DDX4: variants seen among roughly 807,000 people sequenced by gnomAD.
The protein encoded by DDX4 is probable ATP-dependent RNA helicase DDX4.
Under a neutral mutation model 100.0 loss-of-function variants are expected in DDX4, and 25 were observed. The ratio of observed to expected loss-of-function variants is 0.25; its 90% CI spans 0.18 to 0.35. The LOEUF (loss-of-function observed/expected upper bound fraction) is 0.35. DDX4 is among the 10% of genes least tolerant of loss of function. The probability of loss-of-function intolerance (pLI) is 1.00; values close to 1 mark genes in which losing one functional copy is unlikely to be tolerated. For missense variants in DDX4, 635 were observed against 882.4 expected (o/e 0.72, Z 3.55); for synonymous variants, 259 against 275.7 (o/e 0.94, Z 0.60).
At chr5:55,809,266 G>T (rs1357354745) in intron 18 of DDX4, among the ~76,000 whole-genome samples, 1 of 152,180 alleles carries the variant, frequency 6.6e-6, no homozygotes, top group African/African-American at 2.4e-5. Context: ...GCGCTTCCCA[G>T]GTGAGGCGAT....
intron 16 of DDX4, among the ~76,000 whole-genome samples, chr5:55,791,868 T>C (rs546898966): frequency 6.6e-6 from 1 of 152,130 alleles, no homozygotes; most frequent in South Asian, 2.1e-4. Context: ...TCCCAGCACT[T>C]TGGGAAGCCG....
At chr5:55,749,039 A>G (rs750605814) in intron 3 of DDX4, among the ~76,000 whole-genome samples, 6 of 152,170 alleles carry the variant, frequency 3.9e-5, no homozygotes, top group Non-Finnish European at 8.8e-5. Flanking sequence ...GCTTTTATTT[A>G]ATAGTCATGG....
At chr5:55,763,967 T>G in intron 5 of DDX4, 47 bp from the exon 6 acceptor site, 1 of 1,374,050 alleles carries the variant, frequency 7.3e-7, no homozygotes, top group Non-Finnish European at 1.0e-6. Context: ...GGTTATCATT[T>G]TTACCACAGA....
chr5:55,780,288 G>C (rs904824903), intron 8 of DDX4, among the ~76,000 whole-genome samples: 1 of 152,104 alleles, frequency 6.6e-6, no homozygotes. Flanking sequence ...ATAAGTTTGA[G>C]TGACTCAGTA....
chr5:55,741,986 G>C, intron 2 of DDX4: 1 of 317,494 alleles, frequency 3.1e-6, no homozygotes, highest in Non-Finnish European at 6.4e-6. Flanking sequence ...CTTCTCAGGA[G>C]CTTTATTTGG....
Position 55,767,798 on chromosome 5 carries a change from T to A in DDX4, c.335-83T>A, listed in dbSNP as rs548510543. On this transcript the variant is annotated intron_variant, in intron 6 of 21. Transcript: ENST00000505374. ...GAAAATATTTTGTCTTCTTACTAAT[T>A]TATCTTGTGACAGTGCTATTCTTTA... The A allele has an allele frequency of 2.1e-4, 196 of 953,408 alleles. 2 individuals are homozygous for A. The South Asian group carries it at 2.4e-3, about 12-fold the overall frequency. 59.1% of individuals were successfully genotyped at this position (953,408 alleles called of 1,614,324 possible).
chr5:55,804,111 A>G (rs2112137361), intron 18 of DDX4, among the ~76,000 whole-genome samples: 1 of 152,068 alleles, frequency 6.6e-6, no homozygotes, highest in South Asian at 2.1e-4. Context: ...TTGGCTGCAT[A>G]AATGTCTTCT....
intron 7 of DDX4, among the ~76,000 whole-genome samples, chr5:55,770,747 A>G (rs745655472): frequency 1.3e-4 from 20 of 152,130 alleles, no homozygotes; most frequent in Non-Finnish European, 2.6e-4. Context: ...TTCTTATGAT[A>G]ATTGTGGAGA....
At chr5:55,765,519 A>G (rs1177009750) in intron 6 of DDX4, among the ~76,000 whole-genome samples, 1 of 150,134 alleles carries the variant, frequency 6.7e-6, no homozygotes. Context: ...CTGGACACAA[A>G]TGGATAGTAT....
intron 16 of DDX4, among the ~76,000 whole-genome samples, chr5:55,791,475 C>T (rs1742553253): frequency 6.6e-6 from 1 of 152,106 alleles, no homozygotes; most frequent in African/African-American, 2.4e-5. Context: ...CAAGTGTGTT[C>T]TTCTGTTTAT....
chr5:55,791,224 T>C (rs1253002895), intron 16 of DDX4, among the ~76,000 whole-genome samples: 2 of 152,204 alleles, frequency 1.3e-5, no homozygotes, highest in Non-Finnish European at 2.9e-5. Context: ...GGAATTCATA[T>C]ACTATATTTT....
intron 6 of DDX4, 50 bp downstream of exon 6, chr5:55,764,114 TA>T: frequency 7.5e-7 from 1 of 1,324,758 alleles, no homozygotes. Flanking sequence ...GAGTACATGC[TA>T]AAAAAGAGAA....
chr5:55,803,323 C>G (rs1176110684), intron 18 of DDX4, among the ~76,000 whole-genome samples: 1 of 150,100 alleles, frequency 6.7e-6, no homozygotes, highest in Non-Finnish European at 1.5e-5. Context: ...GTATATGTGC[C>G]ACATTTTTAT....
chr5:55,800,217 G>A (rs574237943), intron 18 of DDX4, among the ~76,000 whole-genome samples: 21 of 152,166 alleles, frequency 1.4e-4, no homozygotes, highest in Admixed American at 1.2e-3. Context: ...CAAATATAGA[G>A]AGGTCAAATA....
chr5:55,805,653 C>T (rs1278479428), intron 18 of DDX4, among the ~76,000 whole-genome samples: 2 of 152,178 alleles, frequency 1.3e-5, no homozygotes, highest in Non-Finnish European at 2.9e-5. Flanking sequence ...TTGAACCAGC[C>T]TTGCATCCCA....
chr5:55,757,216 A>G (rs1759995938), intron 3 of DDX4, among the ~76,000 whole-genome samples: 1 of 152,168 alleles, frequency 6.6e-6, no homozygotes, highest in South Asian at 2.1e-4. Flanking sequence ...CCATTACCTG[A>G]GCAGTATGCA....
chr5:55,788,105 C>A, intron 15 of DDX4, 105 bp downstream of exon 15: 2 of 955,256 alleles, frequency 2.1e-6, no homozygotes, highest in Non-Finnish European at 3.0e-6. Flanking sequence ...TAATTTTTAG[C>A]ATTACTTAAA....
At chr5:55,765,413 A>ATATATATATATAT (rs1554076987) in intron 6 of DDX4, among the ~76,000 whole-genome samples, 19 of 83,004 alleles carry the variant, frequency 2.3e-4, no homozygotes, top group African/African-American at 1.1e-3. Context: ...AAAAAAAAAA[A>ATATATATATATAT]ATATATATAT....
At chr5:55,792,002 T>TA (rs1218130361) in intron 16 of DDX4, among the ~76,000 whole-genome samples, 2 of 151,780 alleles carry the variant, frequency 1.3e-5, no homozygotes, top group Non-Finnish European at 2.9e-5. Context: ...CATGTGCCTG[T>TA]AGCCCCAGCT....
Sources: gnomAD v4.1 joint callset for allele counts (sites outside exome capture counted in the v4.1 genomes callset) on GRCh38, gnomAD v4.1.1 for gene constraint, MANE v1.5 for transcripts, NCBI Gene and HGNC (gene_info 2026-07-23, HGNC 2026-07-21) for gene names.